SZT2: variants seen among roughly 807,000 people sequenced by gnomAD.
SZT2 encodes SZT2 subunit of KICSTOR complex, also known as KICSTOR complex protein SZT2.
SZT2 carries 216 observed loss-of-function variants against 404.2 expected under a neutral mutation model. The observed-to-expected ratio is 0.53, with a 90% confidence interval of 0.48 to 0.60. SZT2 has a LOEUF of 0.60. Ranked by LOEUF, SZT2 falls within the 20% of genes least tolerant of loss-of-function variation. The pLI is 0.00. For missense variants in SZT2, 3,857 were observed against 4,459.2 expected, an observed-to-expected ratio of 0.86 and a Z score of 3.85; for synonymous variants, 1,693 against 1,749.9, an observed-to-expected ratio of 0.97 and a Z score of 0.81.
Position 43,454,089 on chromosome 1 carries a change from C to A in SZT2, c.*3609C>A. ...CGAGCTCCAGGGCCTGAGAGCCGGACGCGAAGCAAGAGAGAGCTGGCTGCC... is the reference window on the plus strand; with the variant it reads ...CGAGCTCCAGGGCCTGAGAGCCGGAAGCGAAGCAAGAGAGAGCTGGCTGCC... On this transcript the variant is annotated 3_prime_UTR_variant, in exon 72 of 72. Transcript: ENST00000634258. 1.8e-6 allele frequency: 2 copies of A among 1,097,878 alleles called. No individual in the cohort carries two copies. The highest frequency in any genetic ancestry group is 2.2e-6 in the Non-Finnish European group (2 of 902,280). The allele number at this position is 1,097,878 out of a possible 1,614,324, so 68.0% of individuals were successfully genotyped here. A position where few individuals can be genotyped will look rare whatever the true frequency, so the allele number is the denominator to read the frequency against.
At chr1:43,398,373 A>G (rs961809363) in intron 1 of SZT2, among the ~76,000 whole-genome samples, 1 of 152,264 alleles carries the variant, frequency 6.6e-6, no homozygotes, top group Non-Finnish European at 1.5e-5. Context: ...CTCTGGAGAC[A>G]GAGTGATAAA....
chr1:43,453,541 T>TGCCCGCGCCCCGGCACCCCCCA lies in SZT2; in HGVS notation c.*3066_*3087dup. The stretch of plus-strand genomic sequence containing the variant: ...TCAGCCCCCGGCTCGGACACTCCCC[T>TGCCCGCGCCCCGGCACCCCCCA]GCCCGCGCCCCGGCACCCCCCAGCC... On this transcript the variant is annotated 3_prime_UTR_variant, in exon 72 of 72. Coordinates refer to ENST00000634258, the MANE Select transcript of SZT2 (RefSeq NM_001365999.1). 1 of 1,523,632 alleles carries TGCCCGCGCCCCGGCACCCCCCA rather than the reference T, an allele frequency of 6.6e-7. No homozygotes were observed. The highest frequency in any genetic ancestry group is 2.0e-5 in the Admixed American group (1 of 48,942). 94.4% of individuals were successfully genotyped at this position (1,523,632 alleles called of 1,614,324 possible).
intron 1 of SZT2, among the ~76,000 whole-genome samples, chr1:43,395,923 G>A (rs574859451): frequency 3.2e-4 from 48 of 152,308 alleles, no homozygotes; most frequent in Non-Finnish European, 5.4e-4. Context: ...AGATTTAGTA[G>A]AAGAAGAAAC....
At chr1:43,440,261 TAGAG>T (rs1316790919) in intron 51 of SZT2, among the ~76,000 whole-genome samples, 188 bp from the exon 52 acceptor site, 1 of 152,308 alleles carries the variant, frequency 6.6e-6, no homozygotes, top group East Asian at 1.9e-4. Flanking sequence ...CTCACCCACT[TAGAG>T]AGGGCTATTG....
At position 43,437,393 on chromosome 1, in the gene SZT2, G is replaced by A. The variant is rs1463914518; in HGVS notation, c.6188-13G>A. The A allele has an allele frequency of 6.2e-7, 1 of 1,614,138 alleles. No homozygotes were observed. Among genetic ancestry groups the A allele is most frequent in the South Asian group, 1.1e-5 (1 of 91,072 alleles). On this transcript the variant is annotated splice_polypyrimidine_tract_variant and intron_variant, in intron 43 of 71. Transcript: ENST00000634258. This position sits in a 1 kb window ranked among gnomAD's most constrained non-coding sequence, Gnocchi z 5.3. ...GGAAAAGGCAGTTTCCTGAGCCCAT[G>A]TTATTCCCCCAGCCATCCAGGCCCT... is the stretch of plus-strand genomic sequence containing the variant.
At position 43,454,192 on chromosome 1, in the gene SZT2, G is replaced by A. The variant is rs1015639234; in HGVS notation, c.*3712G>A. On this transcript the variant is annotated 3_prime_UTR_variant, in exon 72 of 72. Coordinates refer to ENST00000634258, the MANE Select transcript of SZT2 (RefSeq NM_001365999.1). ...CTGATTATAAAAATGCTATCTGTTC[G>A]TTAAGCAACATTTGAAAGCTGTATG... 1.3e-4 allele frequency: 33 copies of A among 260,072 alleles called. No individual in the cohort carries two copies. The highest frequency in any genetic ancestry group is 1.8e-4 in the Non-Finnish European group (29 of 164,028). The allele number at this position is 260,072 out of a possible 1,614,324, so 16.1% of individuals were successfully genotyped here. A position where few individuals can be genotyped will look rare whatever the true frequency, so the allele number is the denominator to read the frequency against.
rs1652971701 is a variant in SZT2, at chr1:43,425,017, TTGG to T, written c.2551-93_2551-91del. 6.4e-7 allele frequency: 1 copy of T among 1,557,562 alleles called. No individual in the cohort carries two copies. The highest frequency in any genetic ancestry group is 1.4e-5 in the African/African-American group (1 of 73,896). On this transcript the variant is annotated intron_variant, in intron 17 of 71. Transcript: ENST00000634258. The surrounding 1 kb of genome is among the most constrained non-coding windows in gnomAD (Gnocchi z 4.3). ...TCTGAGGCTGCAGTCATAGGACAAT[TTGG>T]TGAGGGAACTGAAATTCTGAGGGCC...
chr1:43,441,978 TG>T lies in SZT2; in HGVS notation c.7743-21del. 1.2e-6 allele frequency: 2 copies of T among 1,604,254 alleles called. No individual in the cohort carries two copies. Among genetic ancestry groups the T allele is most frequent in the Non-Finnish European group, 1.7e-6 (2 of 1,173,730 alleles). ...GGAGTGGTGTCATGGATGGCCTTTC[TG>T]TCTGTCCTCCCTTTCAATAGGGGTT... On this transcript the variant is annotated intron_variant, in intron 55 of 71. Coordinates refer to ENST00000634258, the MANE Select transcript of SZT2 (RefSeq NM_001365999.1). The surrounding 1 kb of genome is among the most constrained non-coding windows in gnomAD (Gnocchi z 4.8).
At chr1:43,411,473 C>T (rs1162197654) in intron 4 of SZT2, among the ~76,000 whole-genome samples, 1 of 152,228 alleles carries the variant, frequency 6.6e-6, no homozygotes, top group South Asian at 2.1e-4. Context: ...GAATGACAGT[C>T]ACCCAGCAGA....
chr1:43,431,253 C>A lies in SZT2; in HGVS notation c.4917-12C>A. ...TAACTCCTGACCTTTGACTTGTTCC[C>A]ACCCTGTTCAGGTCAACATCTGAAA... is the stretch of plus-strand genomic sequence containing the variant. On this transcript the variant is annotated splice_polypyrimidine_tract_variant and intron_variant, in intron 33 of 71. Transcript: ENST00000634258. 1 of 1,598,024 alleles carries A rather than the reference C, an allele frequency of 6.3e-7. No individual in the cohort carries two copies. Among genetic ancestry groups the A allele is most frequent in the South Asian group, 1.1e-5 (1 of 88,192 alleles).
intron 1 of SZT2, among the ~76,000 whole-genome samples, chr1:43,395,970 A>G (rs924051538): frequency 2.0e-5 from 3 of 152,234 alleles, no homozygotes; most frequent in East Asian, 1.9e-4. Context: ...AATAGGCTGA[A>G]TTTATCCAAG....
chr1:43,453,156 T>A lies in SZT2; in HGVS notation c.*2676T>A. 1.5e-6 allele frequency: 1 copy of A among 663,574 alleles called. No individual in the cohort carries two copies. The highest frequency in any genetic ancestry group is 1.8e-5 in the South Asian group (1 of 56,726). 41.1% of individuals were successfully genotyped at this position (663,574 alleles called of 1,614,324 possible). A position where few individuals can be genotyped will look rare whatever the true frequency, so the allele number is the denominator to read the frequency against. Reference sequence around the variant, plus strand: ...TACTCTCCTATCTGCCTAGGCAGACTGAGCTCCCAGCATGGGATCCCAGCA... The same window carrying A: ...TACTCTCCTATCTGCCTAGGCAGACAGAGCTCCCAGCATGGGATCCCAGCA... On this transcript the variant is annotated 3_prime_UTR_variant, in exon 72 of 72. Transcript: ENST00000634258.
At chr1:43,423,825 A>AG (rs1215935624) in intron 15 of SZT2, among the ~76,000 whole-genome samples, 4 of 149,428 alleles carry the variant, frequency 2.7e-5, no homozygotes. Flanking sequence ...GAGGTATGGA[A>AG]GGGCGTGGCT....
rs189883688 is a variant in SZT2 at position 43,451,669 on chromosome 1, G to A, written c.*1189G>A. On this transcript the variant is annotated 3_prime_UTR_variant, in exon 72 of 72. Coordinates refer to ENST00000634258, the MANE Select transcript of SZT2 (RefSeq NM_001365999.1). ...TCACCAACAATGGGCAGGAACTCCCGGATGTTTCCTGTCAGGTTCCCATCC... is the reference window on the plus strand; with the variant it reads ...TCACCAACAATGGGCAGGAACTCCCAGATGTTTCCTGTCAGGTTCCCATCC... The A allele has an allele frequency of 4.0e-5, 65 of 1,614,148 alleles. No homozygotes were observed. The highest frequency in any genetic ancestry group is 2.0e-4 in the East Asian group (9 of 44,874).
chr1:43,444,972 T>A (rs1655503919), intron 62 of SZT2, among the ~76,000 whole-genome samples: 1 of 152,118 alleles, frequency 6.6e-6, no homozygotes, highest in Non-Finnish European at 1.5e-5. Flanking sequence ...GGTTTCCCTC[T>A]CTTCCAGGCA....
At chr1:43,396,870 G>A (rs544475987) in intron 1 of SZT2, among the ~76,000 whole-genome samples, 1 of 152,224 alleles carries the variant, frequency 6.6e-6, no homozygotes, top group Non-Finnish European at 1.5e-5. Flanking sequence ...TGGAAGCAAA[G>A]GAAAAACTCC....
Position 43,426,990 on chromosome 1 carries a change from G to A in SZT2, c.3310-66G>A. 6.2e-7 allele frequency: 1 copy of A among 1,601,178 alleles called. No homozygotes were observed. Among genetic ancestry groups the A allele is most frequent in the Non-Finnish European group, 8.5e-7 (1 of 1,171,394 alleles). The stretch of plus-strand genomic sequence containing the variant: ...ACCTAAGATGAGTCAGCTCTAGGGT[G>A]GAGGAGGGGAACAGGGGTTGGACAT... On this transcript the variant is annotated intron_variant, in intron 23 of 71. Transcript: ENST00000634258. The surrounding 1 kb of genome is among the most constrained non-coding windows in gnomAD (Gnocchi z 4.9).
In SZT2 at chr1:43,423,186, A is replaced by G. The variant is rs1570633546; in HGVS notation, c.2125A>G (p.Lys709Glu). 1 of 1,597,706 alleles carries G rather than the reference A, an allele frequency of 6.3e-7. No individual in the cohort carries two copies. The highest frequency in any genetic ancestry group is 1.1e-5 in the South Asian group (1 of 90,966). ...SKEPTPKVKRKGLGGAGGGSS... is the reference protein window; with the variant it reads ...SKEPTPKVKREGLGGAGGGSS... Reference sequence around the variant, plus strand: ...GGAGCCAACGCCCAAGGTGAAACGAAAAGGGCTAGGGGGTGCTGGTGGGGG... The same window carrying G: ...GGAGCCAACGCCCAAGGTGAAACGAGAAGGGCTAGGGGGTGCTGGTGGGGG... The change falls in exon 15 of 72, where the codon AAA becomes GAA. Residue 709 changes from lysine (K) to glutamate (E), a missense_variant. Coordinates refer to ENST00000634258, the MANE Select transcript of SZT2 (RefSeq NM_001365999.1).
At position 43,453,142 on chromosome 1, in the gene SZT2, C is replaced by A. The variant is rs1656623357; in HGVS notation, c.*2662C>A. 1.5e-6 allele frequency: 1 copy of A among 680,238 alleles called. No homozygotes were observed. The highest frequency in any genetic ancestry group is 2.6e-6 in the Non-Finnish European group (1 of 379,546). 42.1% of individuals were successfully genotyped at this position (680,238 alleles called of 1,614,324 possible). ...TCACTGTATATATTTACTCTCCTAT[C>A]TGCCTAGGCAGACTGAGCTCCCAGC... On this transcript the variant is annotated 3_prime_UTR_variant, in exon 72 of 72. Coordinates refer to ENST00000634258, the MANE Select transcript of SZT2 (RefSeq NM_001365999.1).
Sources: gnomAD v4.1 joint callset for allele counts (sites outside exome capture counted in the v4.1 genomes callset) on GRCh38, gnomAD v4.1.1 for gene constraint, Gnocchi (gnomAD v3.1) non-coding constraint, MANE v1.5 for transcripts, NCBI Gene and HGNC (gene_info 2026-07-23, HGNC 2026-07-21) for gene names.